EBF2: variants seen among roughly 807,000 people sequenced by gnomAD.
The protein encoded by EBF2 is EBF transcription factor 2.
In EBF2, 21 loss-of-function variants were observed where a neutral mutation model predicts 72.8. The ratio of observed to expected loss-of-function variants is 0.29; its 90% CI spans 0.20 to 0.42. The LOEUF is 0.42. Ranked by LOEUF, EBF2 falls within the 10% of genes least tolerant of loss-of-function variation. The pLI is 1.00. For missense variants in EBF2, 637 were observed against 731.2 expected, an observed-to-expected ratio of 0.87 and a Z score of 1.49; for synonymous variants, 299 against 274.2, an observed-to-expected ratio of 1.09 and a Z score of -0.89.
At chr8:25,864,516 A>G (rs1039086822) in intron 10 of EBF2, among the ~76,000 whole-genome samples, 1 of 152,018 alleles carries the variant, frequency 6.6e-6, no homozygotes, top group Non-Finnish European at 1.5e-5. Flanking sequence ...ACACACACAC[A>G]CACACACACA....
At chr8:25,850,404 A>G (rs1001844149) in intron 15 of EBF2, among the ~76,000 whole-genome samples, 190 bp downstream of exon 15, 3 of 152,178 alleles carry the variant, frequency 2.0e-5, no homozygotes, top group African/African-American at 7.2e-5. Context: ...ATGAGCCACC[A>G]TGCCTGGCCC....
intron 6 of EBF2, among the ~76,000 whole-genome samples, chr8:25,948,998 T>C (rs1202267837): frequency 6.6e-6 from 1 of 152,170 alleles, no homozygotes; most frequent in East Asian, 1.9e-4. Context: ...CTTGCACAGA[T>C]ATACTCTTCT....
chr8:26,037,340 G>A (rs1180603948), intron 5 of EBF2, among the ~76,000 whole-genome samples: 4 of 152,158 alleles, frequency 2.6e-5, no homozygotes, highest in African/African-American at 4.8e-5. Context: ...CACGACAAGC[G>A]AGTGTGTCCC....
intron 14 of EBF2, among the ~76,000 whole-genome samples, chr8:25,854,925 C>T (rs1802056388): frequency 6.6e-6 from 1 of 152,072 alleles, no homozygotes; most frequent in Non-Finnish European, 1.5e-5. Flanking sequence ...GGATTCTGTC[C>T]CAAACTCTGC....
chr8:25,905,400 T>A (rs1048328282), intron 7 of EBF2, among the ~76,000 whole-genome samples: 2 of 152,158 alleles, frequency 1.3e-5, no homozygotes, highest in African/African-American at 4.8e-5. Flanking sequence ...ATACTAACAG[T>A]GTCATTGTTT....
chr8:25,958,217 C>T (rs1272383431), intron 6 of EBF2, among the ~76,000 whole-genome samples: 4 of 152,114 alleles, frequency 2.6e-5, no homozygotes, highest in Non-Finnish European at 5.9e-5. Context: ...CAGAGCCTCC[C>T]AACACAAACA....
chr8:25,977,677 C>A (rs1211311057), intron 6 of EBF2, among the ~76,000 whole-genome samples: 1 of 152,190 alleles, frequency 6.6e-6, no homozygotes, highest in South Asian at 2.1e-4. Flanking sequence ...TGATCTCACC[C>A]CTAGCATGAA....
intron 6 of EBF2, among the ~76,000 whole-genome samples, chr8:25,913,298 G>A (rs1803157671): frequency 6.6e-6 from 1 of 151,968 alleles, no homozygotes; most frequent in Non-Finnish European, 1.5e-5. Context: ...AAAATCAGCT[G>A]GGCGTGGTGG....
chr8:25,842,234 T>G lies in EBF2; in HGVS notation c.*2375A>C, dbSNP rs556527466. 1 of 152,352 alleles carries G rather than the reference T, an allele frequency of 6.6e-6. No individual in the cohort carries two copies. The highest frequency in any genetic ancestry group is 2.4e-5 in the African/African-American group (1 of 41,586). 9.4% of individuals were successfully genotyped at this position (152,352 alleles called of 1,614,324 possible). A position where few individuals can be genotyped will look rare whatever the true frequency, so the allele number is the denominator to read the frequency against. On this transcript the variant is annotated 3_prime_UTR_variant, in exon 16 of 16. Coordinates refer to ENST00000520164, the MANE Select transcript of EBF2 (RefSeq NM_022659.4). The stretch of plus-strand genomic sequence containing the variant: ...AGGACAGGGTAGCTTTGTTTTTAAT[T>G]TATTAGTACACTAAAAATAATCCTT...
chr8:26,033,208 C>T (rs1805437132), intron 5 of EBF2, 55 bp from the exon 6 acceptor site: 2 of 1,534,116 alleles, frequency 1.3e-6, no homozygotes, highest in Admixed American at 1.7e-5. Flanking sequence ...CAAGAAAATG[C>T]AATGAGCACA....
At chr8:25,874,424 T>G (rs973142226) in intron 10 of EBF2, among the ~76,000 whole-genome samples, 1 of 82,930 alleles carries the variant, frequency 1.2e-5, no homozygotes, top group African/African-American at 3.7e-5. Context: ...AAAAAAATTG[T>G]TTTTTTGCCA....
chr8:26,033,240 C>G, intron 5 of EBF2, 87 bp from the exon 6 acceptor site: 5 of 1,348,316 alleles, frequency 3.7e-6, no homozygotes, highest in Non-Finnish European at 1.1e-6. Flanking sequence ...TTTTTTCCCC[C>G]CAGACAGAGT....
Position 25,841,734 on chromosome 8 carries a change from T to G in EBF2, c.*2875A>C, listed in dbSNP as rs1169506764. The G allele has an allele frequency of 6.6e-6, 1 of 152,154 alleles. No homozygotes were observed. The highest frequency in any genetic ancestry group is 2.4e-5 in the African/African-American group (1 of 41,440). 9.4% of individuals were successfully genotyped at this position (152,154 alleles called of 1,614,324 possible). ...AGCAAAGGTCCACTCATTTTTACAG[T>G]ACAAAAATTTTATTTTTTTGTTAGG... On this transcript the variant is annotated 3_prime_UTR_variant, in exon 16 of 16. Transcript: ENST00000520164.
In EBF2 at chr8:26,005,260, T is replaced by TAA. The variant is rs1330018358; in HGVS notation, c.551+27823_551+27824dup. Among the ~76,000 whole-genome samples, 18 of 22,012 alleles carry TAA rather than the reference T, an allele frequency of 8.2e-4. 2 individuals are homozygous for TAA. Among genetic ancestry groups the TAA allele is most frequent in the African/African-American group, 3.7e-3 (18 of 4,860 alleles). The allele number at this position is 22,012 out of a possible 152,430, so 14.4% of individuals were successfully genotyped here. On this transcript the variant is annotated intron_variant, in intron 6 of 15. Coordinates refer to ENST00000520164, the MANE Select transcript of EBF2 (RefSeq NM_022659.4). The stretch of plus-strand genomic sequence containing the variant: ...TGATATATATACATTTTATTATATA[T>TAA]AATATATAATATATATAATTATATA...
chr8:25,996,908 CAT>C (rs550523561), intron 6 of EBF2, among the ~76,000 whole-genome samples: 114 of 152,218 alleles, frequency 7.5e-4, no homozygotes, highest in African/African-American at 2.4e-3. Context: ...TACGTATAAT[CAT>C]GTGCTAATAA....
At chr8:25,853,928 C>A (rs191577230) in intron 14 of EBF2, among the ~76,000 whole-genome samples, 3 of 152,076 alleles carry the variant, frequency 2.0e-5, no homozygotes, top group African/African-American at 4.8e-5. Context: ...GTGATATATG[C>A]CCAAAATTTT....
chr8:25,987,253 A>T (rs958743063), intron 6 of EBF2, among the ~76,000 whole-genome samples: 2 of 152,204 alleles, frequency 1.3e-5, no homozygotes, highest in Non-Finnish European at 2.9e-5. Context: ...GAATGTTTTT[A>T]TATTAAATAA....
At chr8:25,900,226 C>T (rs930366174) in intron 7 of EBF2, among the ~76,000 whole-genome samples, 3 of 152,144 alleles carry the variant, frequency 2.0e-5, no homozygotes, top group African/African-American at 7.2e-5. Context: ...GAAGCCAAGG[C>T]GAGTGAATCA....
chr8:25,936,308 AG>A (rs1803578522), intron 6 of EBF2, among the ~76,000 whole-genome samples: 1 of 152,188 alleles, frequency 6.6e-6, no homozygotes, highest in Non-Finnish European at 1.5e-5. Flanking sequence ...TTATAAGAAA[AG>A]TCCTTAGCAC....
Sources: gnomAD v4.1 joint callset for allele counts (sites outside exome capture counted in the v4.1 genomes callset) on GRCh38, gnomAD v4.1.1 for gene constraint, MANE v1.5 for transcripts, NCBI Gene and HGNC (gene_info 2026-07-23, HGNC 2026-07-21) for gene names.